The following MTERF4 variants were observed in gnomAD, a reference collection of about 807,000 sequenced individuals.
The protein encoded by MTERF4 is transcription termination factor 4, mitochondrial.
MTERF4 carries 17 observed loss-of-function variants against 22.5 expected under a neutral mutation model. The ratio of observed to expected loss-of-function variants is 0.75; its 90% CI spans 0.52 to 1.13. MTERF4 has a LOEUF of 1.13. Ranked by LOEUF, MTERF4 falls within the 50% of genes most tolerant of loss-of-function variation. The pLI is 0.00. For synonymous variants in MTERF4, 165 were observed against 175.3 expected, an observed-to-expected ratio of 0.94 and a Z score of 0.47; for missense variants, 420 against 466.8, an observed-to-expected ratio of 0.90 and a Z score of 0.92.
chr2:241,102,190 C>G (rs2064744355), intron 1 of MTERF4, 63 bp downstream of exon 1: 1 of 1,546,770 alleles, frequency 6.5e-7, no homozygotes, highest in Non-Finnish European at 8.7e-7. Flanking sequence ...GGCCGCGGTT[C>G]CTCTGCGTCG....
chr2:241,049,148 G>T, the MTERF4 span: 2 of 1,600,980 alleles, frequency 1.2e-6, no homozygotes, highest in East Asian at 2.3e-5. Flanking sequence ...GAGTAGCTCG[G>T]GGACGAGCCT....
chr2:241,057,928 AAGTAATC>A, the MTERF4 span, among the ~76,000 whole-genome samples: 2 of 152,208 alleles, frequency 1.3e-5, no homozygotes, highest in African/African-American at 4.8e-5. Flanking sequence ...AAGGAGAAAA[AAGTAATC>A]AGAAGAACAT....
downstream of MTERF4, among the ~76,000 whole-genome samples, chr2:241,083,665 A>T (rs376904679): frequency 1.7e-3 from 258 of 152,244 alleles, 1 homozygote; most frequent in African/African-American, 5.8e-3. Flanking sequence ...GTGCTTAGTT[A>T]CACCAGTGCC....
the MTERF4 span, among the ~76,000 whole-genome samples, chr2:241,052,641 GCCAA>G: frequency 1.7e-5 from 2 of 118,816 alleles, no homozygotes; most frequent in African/African-American, 7.6e-5. Context: ...GGGCCGGGGG[GCCAA>G]GCAGGGTACA....
chr2:241,099,177 C>T (rs1200150941), intron 2 of MTERF4: 3 of 510,426 alleles, frequency 5.9e-6, no homozygotes, highest in Admixed American at 3.5e-5. Context: ...TGGGTTCAAG[C>T]GATTTTCATG....
chr2:241,072,818 C>T, exon 5 of MTERF4: 1 of 197,630 alleles, frequency 5.1e-6, no homozygotes, highest in Non-Finnish European at 1.0e-5. Flanking sequence ...GAGATCCCTG[C>T]ATAAGAAGTG....
At chr2:241,068,005 GACACGGGGCCCAGGTCTCGGGC>G (rs2062534851), downstream of MTERF4, 2 of 1,475,774 alleles carry the variant, frequency 1.4e-6, no homozygotes, top group Admixed American at 3.6e-5. This position sits in a 1 kb window ranked among gnomAD's most constrained non-coding sequence, Gnocchi z 5.3. Flanking sequence ...GGGGCTCGGG[GACACGGGGCCCAGGTCTCGGGC>G]ACATTCTCCG....
chr2:241,071,927 C>T, downstream of MTERF4: 1 of 1,409,282 alleles, frequency 7.1e-7, no homozygotes, highest in Non-Finnish European at 9.8e-7. Context: ...CCCTCGTCCT[C>T]ACTGCCACTC....
chr2:241,088,655 C>T (rs2063710620), downstream of MTERF4: 2 of 512,000 alleles, frequency 3.9e-6, no homozygotes, highest in African/African-American at 3.9e-5. Context: ...GTGGATAGGG[C>T]AAATCCCACT....
chr2:241,052,193 G>T, the MTERF4 span: 2 of 1,568,996 alleles, frequency 1.3e-6, no homozygotes, highest in Admixed American at 3.3e-5. Context: ...GGGCGGCCAG[G>T]GGTGAACCCT....
chr2:241,090,462 TGAA>T (rs2063870401), downstream of MTERF4: 2 of 1,532,420 alleles, frequency 1.3e-6, no homozygotes, highest in African/African-American at 2.8e-5. Flanking sequence ...AAAATAATGA[TGAA>T]GAGTATAGTA....
chr2:241,073,567 A>G lies in MTERF4; in HGVS notation n.2595T>C, dbSNP rs2062854600. ...AAGCAGTGGGACCCCACAGACGGGA[A>G]CAGGCCAGGGGGCAGGACCCACCCA... is the stretch of plus-strand genomic sequence containing the variant. On this transcript the variant is annotated non_coding_transcript_exon_variant, in exon 5 of 5. Transcript: ENST00000464344. This position sits in a 1 kb window ranked among gnomAD's most constrained non-coding sequence, Gnocchi z 6.6. 4 of 624,982 alleles carry G rather than the reference A, an allele frequency of 6.4e-6. No homozygotes were observed. In the Admixed American group the frequency reaches 1.0e-4, roughly 16 times the overall value. 38.7% of individuals were successfully genotyped at this position (624,982 alleles called of 1,614,324 possible).
intron 4 of MTERF4, chr2:241,081,741 C>T (rs569153756): frequency 2.1e-5 from 33 of 1,608,698 alleles, no homozygotes; most frequent in South Asian, 1.7e-4. Flanking sequence ...CGGGCGCAGA[C>T]GCCCACAGCT....
chr2:241,094,687 C>T (rs1004670397), downstream of MTERF4: 27 of 306,576 alleles, frequency 8.8e-5, no homozygotes, highest in Admixed American at 4.1e-4. This position sits in a 1 kb window ranked among gnomAD's most constrained non-coding sequence, Gnocchi z 4.3. Flanking sequence ...CATTCTGGGC[C>T]GGATCATCCT....
At chr2:241,051,775 C>A in the MTERF4 span, 1 of 1,546,956 alleles carries the variant, frequency 6.5e-7, no homozygotes. This position sits in a 1 kb window ranked among gnomAD's most constrained non-coding sequence, Gnocchi z 4.7. Flanking sequence ...CAGGGCCCTG[C>A]CGGAACGGGG....
the MTERF4 span, chr2:241,063,300 G>A: frequency 3.9e-6 from 2 of 513,324 alleles, no homozygotes; most frequent in South Asian, 2.1e-5. Flanking sequence ...GGAGGGCAAG[G>A]CCCAGGGAGC....
the MTERF4 span, among the ~76,000 whole-genome samples, chr2:241,058,250 T>C: frequency 1.3e-5 from 2 of 152,188 alleles, no homozygotes; most frequent in Non-Finnish European, 2.9e-5. Flanking sequence ...ACAATTATTA[T>C]AAATATTCAA....
chr2:241,052,379 C>A, the MTERF4 span: 1 of 1,585,500 alleles, frequency 6.3e-7, no homozygotes, highest in Non-Finnish European at 8.6e-7. Context: ...TTCCGGAGCC[C>A]GTGTGTGAAT....
chr2:241,071,507 T>C, downstream of MTERF4: 2 of 1,520,248 alleles, frequency 1.3e-6, no homozygotes, highest in Non-Finnish European at 1.8e-6. Context: ...GCACCACCCA[T>C]GCCACAGGGG....
Sources: allele counts gnomAD v4.1 joint callset (sites outside exome capture counted in the v4.1 genomes callset), GRCh38; gene constraint gnomAD v4.1.1; non-coding constraint Gnocchi (gnomAD v3.1); transcripts MANE v1.5; gene names NCBI Gene and HGNC (gene_info 2026-07-23, HGNC 2026-07-21).